NALF1: variants seen among roughly 807,000 people sequenced by gnomAD.
NALF1 encodes the protein family with sequence similarity 155 member A.
Under a neutral mutation model 48.4 loss-of-function variants are expected in NALF1, and 3 were observed. That is an observed-to-expected ratio of 0.06 (90% CI 0.03 to 0.16). The LOEUF is 0.16. Ranked by LOEUF, NALF1 falls within the 10% of genes least tolerant of loss-of-function variation. The pLI, the probability that NALF1 is intolerant of heterozygous loss-of-function variation, is 1.00. For missense variants in NALF1, 526 were observed against 571.5 expected (o/e 0.92, Z 0.81); for synonymous variants, 262 against 245.7 (o/e 1.07, Z -0.62).
rs531511420 is a variant in NALF1, at chr13:107,777,147, A to T, written c.915+88535T>A. Among the ~76,000 whole-genome samples, 3 of 152,288 alleles carry T rather than the reference A, an allele frequency of 2.0e-5. No individual in the cohort carries two copies. In the East Asian group the frequency reaches 5.8e-4, roughly 29 times the overall value. ...ATTTACTGATATTTCTATATCTGGC[A>T]ATTTTCCCGAAACTTCACATAAAGT... On this transcript the variant is annotated intron_variant, in intron 1 of 2. Transcript: ENST00000375915.
At chr13:107,502,097 G>C (rs371949475) in intron 1 of NALF1, among the ~76,000 whole-genome samples, 1 of 152,042 alleles carries the variant, frequency 6.6e-6, no homozygotes, top group Non-Finnish European at 1.5e-5. Flanking sequence ...TACAAAGAAT[G>C]CATTATCCCG....
intron 1 of NALF1, among the ~76,000 whole-genome samples, chr13:107,353,282 T>C (rs1882907056): frequency 6.6e-6 from 1 of 152,218 alleles, no homozygotes; most frequent in South Asian, 2.1e-4. Context: ...ATTTGCCTTA[T>C]GTCAGTTTTT....
Position 107,693,140 on chromosome 13 carries a change from C to T in NALF1, c.915+172542G>A, listed in dbSNP as rs370312243. The stretch of plus-strand genomic sequence containing the variant: ...ACAGTGTAAAAGAATTTCCGTTTCT[C>T]CACATTCTCTCCAGCATCTGTTGTT... On this transcript the variant is annotated intron_variant, in intron 1 of 2. Coordinates refer to ENST00000375915, the MANE Select transcript of NALF1 (RefSeq NM_001080396.3). 3.9e-5 allele frequency among the ~76,000 whole-genome samples: 6 copies of T among 152,274 alleles called. No individual in the cohort carries two copies. The East Asian group carries it at 9.7e-4, about 25-fold the overall frequency.
At chr13:107,657,917 T>C (rs1880627084) in intron 1 of NALF1, among the ~76,000 whole-genome samples, 1 of 152,166 alleles carries the variant, frequency 6.6e-6, no homozygotes, top group African/African-American at 2.4e-5. Flanking sequence ...TGAGGAGCTT[T>C]GGTGGTAAAC....
chr13:107,793,831 A>G (rs1244573000), intron 1 of NALF1, among the ~76,000 whole-genome samples: 1 of 152,036 alleles, frequency 6.6e-6, no homozygotes, highest in Non-Finnish European at 1.5e-5. Context: ...TAAATTGACA[A>G]TGAATCACTA....
chr13:107,713,929 T>C (rs1467075475), intron 1 of NALF1, among the ~76,000 whole-genome samples: 1 of 152,116 alleles, frequency 6.6e-6, no homozygotes. Context: ...AGAAGTGTTA[T>C]TAAACGATTA....
chr13:107,784,038 AGAC>A (rs1244113679), intron 1 of NALF1, among the ~76,000 whole-genome samples: 1 of 152,146 alleles, frequency 6.6e-6, no homozygotes, highest in Non-Finnish European at 1.5e-5. Context: ...GACTGAGAGA[AGAC>A]GTCTCCTTCC....
chr13:107,623,117 A>AACT, intron 1 of NALF1, among the ~76,000 whole-genome samples: 1 of 152,282 alleles, frequency 6.6e-6, no homozygotes, highest in East Asian at 1.9e-4. Flanking sequence ...CTAGATCTAT[A>AACT]ACTCCCTCAT....
chr13:107,376,367 C>T (rs971958823), intron 1 of NALF1, among the ~76,000 whole-genome samples: 1 of 152,158 alleles, frequency 6.6e-6, no homozygotes, highest in Admixed American at 6.5e-5. Flanking sequence ...TTTCCTCCTC[C>T]ACATTCTTCA....
chr13:107,685,046 G>A (rs898438398), intron 1 of NALF1, among the ~76,000 whole-genome samples: 2 of 152,178 alleles, frequency 1.3e-5, no homozygotes, highest in Non-Finnish European at 2.9e-5. Context: ...TGGGTGCAGT[G>A]GCTCACGCCT....
chr13:107,774,502 G>A (rs1877666959), intron 1 of NALF1, among the ~76,000 whole-genome samples: 1 of 152,142 alleles, frequency 6.6e-6, no homozygotes, highest in South Asian at 2.1e-4. Flanking sequence ...CATTAACTAT[G>A]TTGGCCAAAT....
At chr13:107,835,756 C>T (rs1879870642) in intron 1 of NALF1, among the ~76,000 whole-genome samples, 1 of 152,060 alleles carries the variant, frequency 6.6e-6, no homozygotes, top group Admixed American at 6.5e-5. Context: ...AGCTAGCATC[C>T]CTGAGGCTTA....
At chr13:107,405,985 T>C (rs769498185) in intron 1 of NALF1, among the ~76,000 whole-genome samples, 4 of 152,010 alleles carry the variant, frequency 2.6e-5, no homozygotes, top group African/African-American at 9.7e-5. Flanking sequence ...TGGAGATGTA[T>C]AGAATGAGTT....
rs1195573400 is a variant in NALF1 at position 107,762,371 on chromosome 13, A to G, written c.915+103311T>C. Among the ~76,000 whole-genome samples, 8 of 152,310 alleles carry G rather than the reference A, an allele frequency of 5.3e-5. No individual in the cohort carries two copies. In the South Asian group the frequency reaches 1.7e-3, roughly 32 times the overall value. ...AGTCTGTATCTGAAAGGTGAGTTAT[A>G]CATATGTAACAAACCTGCACATTGT... On this transcript the variant is annotated intron_variant, in intron 1 of 2. Transcript: ENST00000375915.
chr13:107,656,473 T>C (rs922553553), intron 1 of NALF1, among the ~76,000 whole-genome samples: 1 of 152,104 alleles, frequency 6.6e-6, no homozygotes, highest in African/African-American at 2.4e-5. Flanking sequence ...ACCTCACTTC[T>C]GCAAGAATGG....
intron 1 of NALF1, among the ~76,000 whole-genome samples, chr13:107,374,033 T>G (rs1883293751): frequency 1.3e-5 from 2 of 152,232 alleles, no homozygotes; most frequent in African/African-American, 4.8e-5. Flanking sequence ...TAATGAAAAT[T>G]ATTGATTTAT....
At chr13:107,717,627 C>T (rs1418633192) in intron 1 of NALF1, among the ~76,000 whole-genome samples, 1 of 151,614 alleles carries the variant, frequency 6.6e-6, no homozygotes, top group Non-Finnish European at 1.5e-5. Context: ...AAAAAAGATG[C>T]ATCAGTCTTA....
chr13:107,381,644 G>T lies in NALF1; in HGVS notation c.916-170889C>A, dbSNP rs185491594. On this transcript the variant is annotated intron_variant, in intron 1 of 2. Coordinates refer to ENST00000375915, the MANE Select transcript of NALF1 (RefSeq NM_001080396.3). ...GGAATGATAGACGTTGGGGACTCCT[G>T]AATAATGGATGGAATATCTAACAGT... is the stretch of plus-strand genomic sequence containing the variant. Among the ~76,000 whole-genome samples the T allele has an allele frequency of 2.0e-5, 3 of 152,164 alleles. No individual in the cohort carries two copies. In the East Asian group the frequency reaches 5.8e-4, roughly 29 times the overall value.
Position 107,482,334 on chromosome 13 carries a change from C to T in NALF1, c.916-271579G>A, listed in dbSNP as rs1031775917. On this transcript the variant is annotated intron_variant, in intron 1 of 2. Coordinates refer to ENST00000375915, the MANE Select transcript of NALF1 (RefSeq NM_001080396.3). The stretch of plus-strand genomic sequence containing the variant: ...AGCCAATTCTTTACAACAAATCTTT[C>T]TGTCTCTGTCCATGCACACACACAC... Among the ~76,000 whole-genome samples, 4 of 152,128 alleles carry T rather than the reference C, an allele frequency of 2.6e-5. No homozygotes were observed. In the East Asian group the frequency reaches 7.7e-4, roughly 29 times the overall value.
Sources: allele counts gnomAD v4.1 joint callset (sites outside exome capture counted in the v4.1 genomes callset), GRCh38; gene constraint gnomAD v4.1.1; transcripts MANE v1.5; gene names NCBI Gene and HGNC (gene_info 2026-07-23, HGNC 2026-07-21).